The following GC variants were observed in gnomAD, a reference collection of about 807,000 sequenced individuals.
The protein encoded by GC is vitamin D-binding protein.
Under a neutral mutation model 56.7 loss-of-function variants are expected in GC, and 43 were observed. The observed-to-expected ratio is 0.76, with a 90% CI of 0.59 to 0.98. GC has a LOEUF of 0.98. GC is among the 50% of genes least tolerant of loss of function. The pLI is 0.00. For synonymous variants in GC, 216 were observed against 202.7 expected, an observed-to-expected ratio of 1.07 and a Z score of -0.56; for missense variants, 529 against 545.9, an observed-to-expected ratio of 0.97 and a Z score of 0.31.
Position 71,765,552 on chromosome 4 carries a change from T to G in GC, c.353A>C (p.Glu118Ala). ...TAECCTKEGL[E>A]RKLCMAALKH... is the part of the protein sequence containing the mutation. The stretch of plus-strand genomic sequence containing the variant: ...CAGAGCAGCCATGCAGAGCTTTCGT[T>G]CCAGGCCCTCTTTGGTGCAGCACTC... The change falls in exon 4 of 13, where the codon GAA becomes GCA. Residue 118 changes from glutamate (E) to alanine (A), a missense_variant. By Grantham distance (107) the Glu-to-Ala change is moderately radical. Transcript: ENST00000273951. The G allele has an allele frequency of 6.2e-7, 1 of 1,613,688 alleles. No homozygotes were observed. The highest frequency in any genetic ancestry group is 8.5e-7 in the Non-Finnish European group (1 of 1,179,716).
Position 71,768,335 on chromosome 4 carries a change from G to A in GC, c.227C>T (p.Ala76Val), listed in dbSNP as rs763373007. The stretch of plus-strand genomic sequence containing the variant: ...ATAGCAGTCAGGGTCAGCCCCTTCC[G>A]CACAGCAGGCTTCGGTCAAGGAGAC... ...EVVSLTEACC[A>V]EGADPDCYDT... The change falls in exon 3 of 13, where the codon GCG (alanine) becomes GTG (valine). Residue 76 changes from alanine to valine, a missense_variant. Physicochemically the swap from Ala to Val is moderately conservative, Grantham distance 64 (BLOSUM62 0). Transcript: ENST00000273951. The A allele has an allele frequency of 3.2e-5, 51 of 1,612,822 alleles. No individual in the cohort carries two copies. The highest frequency in any genetic ancestry group is 2.9e-4 in the South Asian group (26 of 90,842).
At chr4:71,765,409 C>T (rs773004633) in intron 4 of GC, 23 bp downstream of exon 4, 4 of 1,578,046 alleles carry the variant, frequency 2.5e-6, no homozygotes, top group Non-Finnish European at 3.5e-6. Flanking sequence ...TCCTAAAGTT[C>T]TATTTATGAT....
At chr4:71,785,381 G>A (rs1742808448), upstream of GC, among the ~76,000 whole-genome samples, 1 of 151,706 alleles carries the variant, frequency 6.6e-6, no homozygotes, top group African/African-American at 2.4e-5. Context: ...TGTGTCCAGG[G>A]TCCCGCAGAT....
At chr4:71,772,712 T>G (rs1742378123) in intron 1 of GC, among the ~76,000 whole-genome samples, 1 of 152,110 alleles carries the variant, frequency 6.6e-6, no homozygotes, top group African/African-American at 2.4e-5. Context: ...GCTGGAACAT[T>G]CAGCCTTGGG....
intron 1 of GC, among the ~76,000 whole-genome samples, chr4:71,777,043 C>G (rs565475440): frequency 1.3e-5 from 2 of 151,866 alleles, no homozygotes; most frequent in East Asian, 3.9e-4. Flanking sequence ...AGGAAAATTT[C>G]TATTTCAAAG....
rs28554102 is a variant in GC, at chr4:71,741,766, A to G, written c.*130T>C. On this transcript the variant is annotated 3_prime_UTR_variant, in exon 13 of 13. Transcript: ENST00000273951. ...ACTTGTCATTGTATGAAGATATTGT[A>G]GCTAGAAAAAGTAGAAAGTATCCTA... 5.2e-3 allele frequency: 3,596 copies of G among 697,138 alleles called. 91 individuals are homozygous for G. In the African/African-American group the frequency reaches 0.054, roughly 10 times the overall value. 43.2% of individuals were successfully genotyped at this position (697,138 alleles called of 1,614,324 possible).
At position 71,800,868 on chromosome 4, in the gene GC, G is replaced by A. The variant is rs550275939; in HGVS notation, c.21+3058C>T. ...TTTCTATTTCACTATTACATTTTTA[G>A]AACAAATTAAGAAAACTAAATTCTA... On this transcript the variant is annotated intron_variant, in intron 1 of 13. Transcript: ENST00000504199. Among the ~76,000 whole-genome samples the A allele has an allele frequency of 1.1e-4, 16 of 152,146 alleles. No homozygotes were observed. The East Asian group carries it at 3.1e-3, about 29-fold the overall frequency.
intron 4 of GC, 65 bp downstream of exon 4, chr4:71,765,367 G>T: frequency 1.6e-6 from 2 of 1,246,112 alleles, no homozygotes; most frequent in African/African-American, 1.5e-5. Flanking sequence ...CAGAGTAGGG[G>T]GTTAGATTAG....
intron 1 of GC, among the ~76,000 whole-genome samples, chr4:71,770,516 C>G (rs545412690): frequency 6.6e-6 from 1 of 152,254 alleles, no homozygotes; most frequent in Admixed American, 6.5e-5. Flanking sequence ...CTTTACACAT[C>G]TTGGTAACCA....
At chr4:71,796,694 CT>C (rs1743114643) in intron 1 of GC, among the ~76,000 whole-genome samples, 1 of 152,168 alleles carries the variant, frequency 6.6e-6, no homozygotes, top group African/African-American at 2.4e-5. Flanking sequence ...CTCCATCCAA[CT>C]TTTTTCCGTT....
intron 2 of GC, among the ~76,000 whole-genome samples, 155 bp from the exon 3 acceptor site, chr4:71,768,588 C>T (rs1742246710): frequency 2.0e-5 from 3 of 152,124 alleles, no homozygotes; most frequent in Non-Finnish European, 2.9e-5. Context: ...GCCTCAGCCT[C>T]CCGAGTAGCT....
At chr4:71,775,493 A>C (rs1243614766) in intron 1 of GC, among the ~76,000 whole-genome samples, 1 of 151,992 alleles carries the variant, frequency 6.6e-6, no homozygotes, top group Admixed American at 6.6e-5. Flanking sequence ...ACTTGAGAAA[A>C]TATCAACTCA....
intron 11 of GC, among the ~76,000 whole-genome samples, chr4:71,749,293 CTCA>C (rs1741473412): frequency 6.6e-6 from 1 of 152,150 alleles, no homozygotes; most frequent in Non-Finnish European, 1.5e-5. Context: ...AACCTGTCTT[CTCA>C]TCATTGTAAT....
chr4:71,747,319 A>C (rs705119), intron 11 of GC, among the ~76,000 whole-genome samples: 69,575 of 151,920 alleles, frequency 0.46, 18,848 homozygotes, highest in Middle Eastern at 0.6. Flanking sequence ...GATTAAAAGC[A>C]TAAGCATTGA....
chr4:71,745,605 G>A (rs1056272206), intron 12 of GC, among the ~76,000 whole-genome samples: 2 of 152,120 alleles, frequency 1.3e-5, no homozygotes, highest in Non-Finnish European at 2.9e-5. Flanking sequence ...TGCAGAGTTC[G>A]GCGGGGGTGC....
chr4:71,760,371 C>G (rs222003), intron 6 of GC, among the ~76,000 whole-genome samples: 125,219 of 151,944 alleles, frequency 0.82, 53,517 homozygotes, highest in South Asian at 0.98. Context: ...GTTTCTATTC[C>G]CATTACGGAA....
chr4:71,797,082 C>T (rs1056831727), intron 1 of GC, among the ~76,000 whole-genome samples: 2 of 152,202 alleles, frequency 1.3e-5, no homozygotes, highest in Non-Finnish European at 2.9e-5. Context: ...GGGCACCTGC[C>T]TGTATGAGAT....
upstream of GC, among the ~76,000 whole-genome samples, chr4:71,804,258 A>G (rs1195603865): frequency 1.3e-5 from 2 of 152,170 alleles, no homozygotes; most frequent in African/African-American, 2.4e-5. Flanking sequence ...CTGTAATCAA[A>G]TGTGTGAACA....
Position 71,768,269 on chromosome 4 carries a change from TGCCACAGAGACGGCCA to T in GC, c.261+16_261+31del, listed in dbSNP as rs971110288. 3 of 1,543,274 alleles carry T rather than the reference TGCCACAGAGACGGCCA, an allele frequency of 1.9e-6. No individual in the cohort carries two copies. Among genetic ancestry groups the T allele is most frequent in the Non-Finnish European group, 2.6e-6 (3 of 1,141,462 alleles). On this transcript the variant is annotated intron_variant, in intron 3 of 12. Coordinates refer to ENST00000273951, the MANE Select transcript of GC (RefSeq NM_000583.4). ...CCTATTTTGGCTTCCTTCTCTGGGC[TGCCACAGAGACGGCCA>T]GCCACAGAAACCTACCCTGGTGTCA... is the stretch of plus-strand genomic sequence containing the variant.
Sources: allele counts gnomAD v4.1 joint callset (sites outside exome capture counted in the v4.1 genomes callset), GRCh38; gene constraint gnomAD v4.1.1; transcripts MANE v1.5; gene names NCBI Gene and HGNC (gene_info 2026-07-23, HGNC 2026-07-21).